CAPN13: variants seen among roughly 807,000 people sequenced by gnomAD.
CAPN13 encodes the protein calpain 13.
Under a neutral mutation model 98.4 loss-of-function variants are expected in CAPN13, and 90 were observed. That is an observed-to-expected ratio of 0.92 (90% CI 0.77 to 1.09). The LOEUF (loss-of-function observed/expected upper bound fraction) is 1.09, where lower values mean the gene tolerates loss of function less well. Among genes scored for constraint, CAPN13 ranks in the 50% least tolerant of loss-of-function variants. The probability of loss-of-function intolerance (pLI) is 0.00; values close to 1 mark genes in which losing one functional copy is unlikely to be tolerated. For synonymous variants in CAPN13, 330 were observed against 305.5 expected (o/e 1.08, Z -0.84); for missense variants, 887 against 841.3 (o/e 1.05, Z -0.67).
intron 11 of CAPN13, among the ~76,000 whole-genome samples, chr2:30,750,750 T>C (rs934606941): frequency 4.6e-5 from 7 of 152,216 alleles, no homozygotes; most frequent in Non-Finnish European, 1.0e-4. Flanking sequence ...TCCTTAAACA[T>C]TCTGATTTAG....
At chr2:30,803,664 G>A (rs772777582) in intron 1 of CAPN13, among the ~76,000 whole-genome samples, 2 of 152,144 alleles carry the variant, frequency 1.3e-5, no homozygotes, top group Admixed American at 6.5e-5. Flanking sequence ...CATGGTACAC[G>A]TCCCATCTCA....
chr2:30,734,093 G>A (rs1012145852), intron 19 of CAPN13, among the ~76,000 whole-genome samples: 1 of 152,186 alleles, frequency 6.6e-6, no homozygotes, highest in African/African-American at 2.4e-5. Context: ...CTAGCCTGTG[G>A]GTATTTAACC....
intron 18 of CAPN13, among the ~76,000 whole-genome samples, chr2:30,735,742 G>GTTATGA (rs1341124885): frequency 2.6e-5 from 4 of 152,262 alleles, no homozygotes; most frequent in Middle Eastern, 6.8e-3. Context: ...CTTTAAACAT[G>GTTATGA]TTATGAAAAT....
At chr2:30,783,301 G>C (rs528601637) in intron 2 of CAPN13, among the ~76,000 whole-genome samples, 3 of 152,122 alleles carry the variant, frequency 2.0e-5, no homozygotes, top group Non-Finnish European at 4.4e-5. Context: ...CAGGGTTGTA[G>C]GAAGCATTGA....
At chr2:30,780,610 CA>C (rs1158817511) in intron 2 of CAPN13, among the ~76,000 whole-genome samples, 1 of 152,148 alleles carries the variant, frequency 6.6e-6, no homozygotes, top group East Asian at 1.9e-4. Context: ...GATGAAAATT[CA>C]ATGGTGATGA....
intron 11 of CAPN13, among the ~76,000 whole-genome samples, chr2:30,750,397 A>C (rs1398596446): frequency 1.3e-5 from 2 of 152,134 alleles, no homozygotes; most frequent in Non-Finnish European, 1.5e-5. Context: ...CTGTAAAACA[A>C]ACCCCTGTGA....
rs1675692985 is a variant in CAPN13 at position 30,807,407 on chromosome 2, GC to G, written c.-139del. On this transcript the variant is annotated 5_prime_UTR_variant, in exon 1 of 23. Coordinates refer to ENST00000295055, the MANE Select transcript of CAPN13 (RefSeq NM_144575.3). ...GAGACTGGCAGAGGAGGAGAGCATG[GC>G]CGGCCGTCTTGGAGAAAGAGCAGTG... 2 of 152,504 alleles carry G rather than the reference GC, an allele frequency of 1.3e-5. No individual in the cohort carries two copies. Among genetic ancestry groups the G allele is most frequent in the Non-Finnish European group, 2.9e-5 (2 of 68,332 alleles). The allele number at this position is 152,504 out of a possible 1,614,324, so 9.4% of individuals were successfully genotyped here. A position where few individuals can be genotyped will look rare whatever the true frequency, so the allele number is the denominator to read the frequency against.
chr2:30,804,923 A>G (rs1372125892), intron 1 of CAPN13, among the ~76,000 whole-genome samples: 2 of 152,246 alleles, frequency 1.3e-5, no homozygotes, highest in East Asian at 3.9e-4. Context: ...CGCAGTGTTC[A>G]GCAGATATTA....
chr2:30,800,651 A>G (rs17010328), intron 1 of CAPN13, among the ~76,000 whole-genome samples: 3,546 of 152,318 alleles, frequency 0.023, 146 homozygotes, highest in African/African-American at 0.081. Context: ...GAACTGAGAC[A>G]ACAGGTTCTT....
At chr2:30,801,949 ATGTGAC>A (rs1172750000) in intron 1 of CAPN13, among the ~76,000 whole-genome samples, 2 of 152,310 alleles carry the variant, frequency 1.3e-5, no homozygotes, top group East Asian at 3.9e-4. Context: ...AATGCAGATG[ATGTGAC>A]TCTCAGATGG....
intron 8 of CAPN13, 44 bp from the exon 9 acceptor site, chr2:30,754,408 A>ATT: frequency 6.5e-7 from 1 of 1,539,322 alleles, no homozygotes; most frequent in South Asian, 1.3e-5. Context: ...TTTCCAGTGC[A>ATT]TTTTTTCTCA....
intron 21 of CAPN13, 106 bp from the exon 22 acceptor site, chr2:30,730,892 A>G: frequency 1.3e-6 from 1 of 747,266 alleles, no homozygotes; most frequent in Admixed American, 1.8e-5. Flanking sequence ...GTCCAGTCTC[A>G]TCACCCCTTC....
At chr2:30,805,841 G>A (rs770916233) in intron 1 of CAPN13, among the ~76,000 whole-genome samples, 11 of 149,796 alleles carry the variant, frequency 7.3e-5, no homozygotes, top group Non-Finnish European at 1.5e-5. Context: ...CTGGGCTCAA[G>A]CAATCCTTTC....
rs1400216222 is a variant in CAPN13 at position 30,723,840 on chromosome 2, C to T, written c.*31-604G>A. ...CCTCTCTTGTCTCTCAGACTACTTG[C>T]TAGTTTGCCTATTTTTTTTTCCATG... On this transcript the variant is annotated intron_variant, in intron 22 of 22. Coordinates refer to ENST00000295055, the MANE Select transcript of CAPN13 (RefSeq NM_144575.3). Among the ~76,000 whole-genome samples, 4 of 151,922 alleles carry T rather than the reference C, an allele frequency of 2.6e-5. No homozygotes were observed. In the East Asian group the frequency reaches 5.9e-4, roughly 22 times the overall value.
intron 2 of CAPN13, among the ~76,000 whole-genome samples, chr2:30,782,282 C>T (rs1324521804): frequency 2.0e-5 from 3 of 152,156 alleles, no homozygotes; most frequent in African/African-American, 7.2e-5. Context: ...ATAAGAGAGC[C>T]CTGTGTTTAG....
At position 30,754,490 on chromosome 2, in the gene CAPN13, T is replaced by C. The variant is rs1672341089; in HGVS notation, c.867-126A>G. On this transcript the variant is annotated intron_variant, in intron 8 of 22. Transcript: ENST00000295055. ...GGGGAGCACAGGGCAAGTGTCATCC[T>C]ACCTAGGACAGGACCCAGTTATTCT... 4 of 634,792 alleles carry C rather than the reference T, an allele frequency of 6.3e-6. No homozygotes were observed. The African/African-American group carries it at 7.6e-5, about 12-fold the overall frequency. 39.3% of individuals were successfully genotyped at this position (634,792 alleles called of 1,614,324 possible).
chr2:30,759,169 CGTTT>C (rs1391812765), intron 7 of CAPN13, among the ~76,000 whole-genome samples: 10 of 147,226 alleles, frequency 6.8e-5, no homozygotes, highest in African/African-American at 2.5e-4. Flanking sequence ...CTCCCTCCCT[CGTTT>C]TTCTCCTCCT....
intron 9 of CAPN13, 43 bp from the exon 10 acceptor site, chr2:30,753,241 G>A: frequency 6.2e-7 from 1 of 1,606,840 alleles, no homozygotes; most frequent in East Asian, 2.2e-5. Flanking sequence ...CAGGGGTTGT[G>A]TCCCCAGGGT....
In CAPN13 at chr2:30,753,161, T is replaced by A; in HGVS notation, c.979A>T (p.Met327Leu). The A allele has an allele frequency of 6.2e-7, 1 of 1,614,036 alleles. No homozygotes were observed. The highest frequency in any genetic ancestry group is 1.7e-5 in the Admixed American group (1 of 60,026). The change falls in exon 10 of 23, where the codon ATG (methionine) becomes TTG (leucine). Residue 327 changes from methionine (M) to leucine (L), a missense_variant. Met to Leu is a conservative substitution (Grantham distance 15, BLOSUM62 2). Coordinates refer to ENST00000295055, the MANE Select transcript of CAPN13 (RefSeq NM_144575.3). ...CQDFQQKFIA[M>L]FICSEIPITL... ...ATTGGAATTTCGCTACATATAAACA[T>A]GGCGATGAATTTCTGTTGGAAATCT...
Sources: allele counts gnomAD v4.1 joint callset (sites outside exome capture counted in the v4.1 genomes callset), GRCh38; gene constraint gnomAD v4.1.1; transcripts MANE v1.5; gene names NCBI Gene and HGNC (gene_info 2026-07-23, HGNC 2026-07-21).